NFILZ: variants seen among roughly 807,000 people sequenced by gnomAD.
The protein encoded by NFILZ is NFIL3 like protein.
intron 3 of NFILZ, among the ~76,000 whole-genome samples, chr19:8,645,733 T>C (rs1485574949): frequency 6.6e-6 from 1 of 151,950 alleles, no homozygotes; most frequent in East Asian, 1.9e-4. Flanking sequence ...TGGGGAAGGA[T>C]TGGGGCGTTA....
intron 3 of NFILZ, among the ~76,000 whole-genome samples, chr19:8,636,748 T>A (rs1270653226): frequency 6.6e-6 from 1 of 151,826 alleles, no homozygotes; most frequent in Non-Finnish European, 1.5e-5. Context: ...TGAGCCACCA[T>A]GCTTGGCTAA....
At chr19:8,660,796 C>G (rs150634932) in intron 3 of NFILZ, among the ~76,000 whole-genome samples, 4,029 of 151,860 alleles carry the variant, frequency 0.027, 104 homozygotes, top group South Asian at 0.051. Context: ...CACCACCATG[C>G]CTGGTTAATT....
chr19:8,665,126 T>C (rs554191399), intron 3 of NFILZ, among the ~76,000 whole-genome samples: 2 of 152,034 alleles, frequency 1.3e-5, no homozygotes, highest in East Asian at 1.9e-4. Context: ...CCCAGAGAGA[T>C]TGCTGCAGCA....
intron 3 of NFILZ, among the ~76,000 whole-genome samples, chr19:8,660,567 C>T (rs1205299437): frequency 7.9e-6 from 1 of 126,224 alleles, no homozygotes; most frequent in African/African-American, 3.4e-5. Context: ...TTCCTTCCTT[C>T]CTCCCCTCCC....
intron 3 of NFILZ, among the ~76,000 whole-genome samples, chr19:8,656,486 C>G (rs1398785199): frequency 0.016 from 651 of 41,076 alleles, 23 homozygotes; most frequent in Middle Eastern, 0.025. Context: ...CTCCCGCAGC[C>G]CACCTTCTCC....
chr19:8,659,749 G>A (rs1407247507), intron 3 of NFILZ, among the ~76,000 whole-genome samples: 1 of 152,186 alleles, frequency 6.6e-6, no homozygotes, highest in African/African-American at 2.4e-5. Context: ...GGTGTCACAG[G>A]CTCCAATTCG....
intron 3 of NFILZ, among the ~76,000 whole-genome samples, chr19:8,658,614 C>G (rs2043015664): frequency 6.6e-6 from 1 of 152,048 alleles, no homozygotes; most frequent in African/African-American, 2.4e-5. Context: ...AGTGAACAAG[C>G]TTCATTCTCC....
intron 3 of NFILZ, among the ~76,000 whole-genome samples, chr19:8,643,521 A>G (rs2042927423): frequency 1.3e-5 from 2 of 152,332 alleles, no homozygotes; most frequent in South Asian, 4.1e-4. Flanking sequence ...AGAAAAGCAG[A>G]TGGTGCTCCC....
At chr19:8,663,732 G>GTA (rs1600151849) in intron 3 of NFILZ, among the ~76,000 whole-genome samples, 87 of 102,930 alleles carry the variant, frequency 8.5e-4, no homozygotes, top group African/African-American at 2.0e-3. Context: ...TTGTGTGTGT[G>GTA]TGTGTGTGTG....
rs1047577829 is a variant in NFILZ at position 8,680,052 on chromosome 19, C to T, written c.*2417C>T. Among the ~76,000 whole-genome samples, 19 of 151,870 alleles carry T rather than the reference C, an allele frequency of 1.3e-4. No homozygotes were observed. Among genetic ancestry groups the T allele is most frequent in the East Asian group, 3.9e-4 (2 of 5,158 alleles). On this transcript the variant is annotated 3_prime_UTR_variant, in exon 6 of 6. Coordinates refer to ENST00000691075, the MANE Select transcript of NFILZ (RefSeq NM_001378600.1). The stretch of plus-strand genomic sequence containing the variant: ...CTCTAGTAAAAATACAAAAATTAGC[C>T]GGGCATGGTAGCGAGCGCCTGTAAT...
rs2042973424 is a variant in NFILZ, at chr19:8,652,999, C to CTTT, written c.-164+17253_-164+17254insTTT. ...TCCTTCCTTCCTTCCTTCCTTCCTT[C>CTTT]CTTCCTTCCTTCCTTTCTTTCTTTC... is the stretch of plus-strand genomic sequence containing the variant. On this transcript the variant is annotated intron_variant, in intron 3 of 5. Transcript: ENST00000691075. 3.8e-4 allele frequency among the ~76,000 whole-genome samples: 17 copies of CTTT among 45,024 alleles called. 1 individual carries two copies. The highest frequency in any genetic ancestry group is 7.9e-4 in the Admixed American group (3 of 3,798). The allele number at this position is 45,024 out of a possible 152,430, so 29.5% of individuals were successfully genotyped here.
intron 3 of NFILZ, among the ~76,000 whole-genome samples, chr19:8,642,315 A>T (rs1315758965): frequency 6.6e-6 from 1 of 152,134 alleles, no homozygotes; most frequent in Non-Finnish European, 1.5e-5. Flanking sequence ...GATCACATGC[A>T]TGTCTTTGCC....
At chr19:8,656,352 T>TCCCTGCAGCGCACCTTC (rs2042996781) in intron 3 of NFILZ, among the ~76,000 whole-genome samples, 3 of 28,828 alleles carry the variant, frequency 1.0e-4, no homozygotes, top group Non-Finnish European at 1.6e-4. Flanking sequence ...AGCCCACCTC[T>TCCCTGCAGCGCACCTTC]TCCCTGAAGC....
At chr19:8,658,071 T>C (rs1234742044) in intron 3 of NFILZ, among the ~76,000 whole-genome samples, 1 of 152,068 alleles carries the variant, frequency 6.6e-6, no homozygotes, top group Non-Finnish European at 1.5e-5. Context: ...GGCAGGAGCA[T>C]TCCAGGCAGA....
chr19:8,653,383 C>G lies in NFILZ; in HGVS notation c.-164+17637C>G, dbSNP rs183956591. On this transcript the variant is annotated intron_variant, in intron 3 of 5. Coordinates refer to ENST00000691075, the MANE Select transcript of NFILZ (RefSeq NM_001378600.1). ...GGCATGAGCTACTGCGCCTGGCCTG[C>G]ATTTATTTCATGGTTATTGTTTTAT... 2.0e-5 allele frequency among the ~76,000 whole-genome samples: 3 copies of G among 152,098 alleles called. No individual in the cohort carries two copies. In the East Asian group the frequency reaches 5.8e-4, roughly 29 times the overall value.
chr19:8,672,875 T>C (rs1315442133), intron 3 of NFILZ, among the ~76,000 whole-genome samples: 2 of 152,212 alleles, frequency 1.3e-5, no homozygotes, highest in Non-Finnish European at 2.9e-5. Flanking sequence ...AAGATGCTTA[T>C]ACTTTCATAA....
Position 8,654,388 on chromosome 19 carries a change from C to A in NFILZ, c.-164+18642C>A, listed in dbSNP as rs112721741. Among the ~76,000 whole-genome samples the A allele has an allele frequency of 2.2e-3, 336 of 150,624 alleles. 4 individuals carry two copies. Among genetic ancestry groups the A allele is most frequent in the African/African-American group, 7.8e-3 (318 of 41,010 alleles). On this transcript the variant is annotated intron_variant, in intron 3 of 5. Transcript: ENST00000691075. ...ATCCCAGCACTTTGGGAAGCCAAGG[C>A]GGGAGGATTGTTTGAGCCCAGGAGT... is the stretch of plus-strand genomic sequence containing the variant.
At chr19:8,634,975 T>A (rs2042888232) in intron 2 of NFILZ, among the ~76,000 whole-genome samples, 1 of 152,084 alleles carries the variant, frequency 6.6e-6, no homozygotes, top group Admixed American at 6.6e-5. Flanking sequence ...TCTGTGATAT[T>A]TGACAAACCA....
chr19:8,662,951 C>CTT (rs139212687), intron 3 of NFILZ, among the ~76,000 whole-genome samples: 17 of 140,650 alleles, frequency 1.2e-4, no homozygotes, highest in Admixed American at 5.0e-4. Context: ...TTTCTTTTTC[C>CTT]TTTTTTTTTT....
Sources: allele counts gnomAD v4.1 joint callset (sites outside exome capture counted in the v4.1 genomes callset), GRCh38; gene constraint gnomAD v4.1.1; transcripts MANE v1.5; gene names NCBI Gene and HGNC (gene_info 2026-07-23, HGNC 2026-07-21).